JAG1: variants seen among roughly 807,000 people sequenced by gnomAD.
JAG1 encodes the protein protein jagged-1.
A neutral mutation model predicts 148.7 loss-of-function variants in JAG1; 23 were observed. The ratio of observed to expected loss-of-function variants is 0.15; its 90% confidence interval spans 0.11 to 0.22. JAG1 has a LOEUF of 0.22. Among genes scored for constraint, JAG1 ranks in the 10% least tolerant of loss-of-function variants. JAG1 has a pLI of 1.00. For missense variants in JAG1, 1,054 were observed against 1,611.2 expected (o/e 0.65, Z 5.92); for synonymous variants, 572 against 598.3 (o/e 0.96, Z 0.64).
At chr20:10,650,403 C>CTGA in intron 8 of JAG1, 43 bp from the exon 9 acceptor site, 1 of 1,124,136 alleles carries the variant, frequency 8.9e-7, no homozygotes, top group Admixed American at 1.8e-5. Context: ...TTAATTCAAT[C>CTGA]CATCTGACAA....
Position 10,644,977 on chromosome 20 carries a change from G to C in JAG1, c.2230C>G (p.Arg744Gly). 6.2e-7 allele frequency: 1 copy of C among 1,612,584 alleles called. No homozygotes were observed. The highest frequency in any genetic ancestry group is 8.5e-7 in the Non-Finnish European group (1 of 1,179,136). ...GGGTTGGGCAGGCAGCTACTGTTTCGGGCTATAAAAGAAGAGCAGACACGA... is the reference window on the plus strand; with the variant it reads ...GGGTTGGGCAGGCAGCTACTGTTTCCGGCTATAAAAGAAGAGCAGACACGA... ...GWEGTTCNIA[R>G]NSSCLPNPCH... The change falls in exon 18 of 26, where the codon CGA (arginine) becomes GGA (glycine). Residue 744 changes from arginine (R) to glycine (G), a missense_variant and splice_region_variant. Arg to Gly is a moderately radical substitution (Grantham distance 125). This residue lies in a region of JAG1 where 342 missense variants were observed against 514.6 expected (regional missense o/e 0.66). Transcript: ENST00000254958.
intron 2 of JAG1, among the ~76,000 whole-genome samples, chr20:10,667,671 G>T (rs538640861): frequency 6.6e-6 from 1 of 152,168 alleles, no homozygotes; most frequent in East Asian, 1.9e-4. Flanking sequence ...AATAGAGTCC[G>T]ATCTGGTTAC....
intron 14 of JAG1, 53 bp from the exon 15 acceptor site, chr20:10,646,137 A>G: frequency 7.5e-7 from 1 of 1,332,956 alleles, no homozygotes; most frequent in Non-Finnish European, 1.1e-6. Flanking sequence ...GAAGCCATAG[A>G]CAAGCACTGT....
intron 4 of JAG1, 137 bp downstream of exon 4, chr20:10,658,331 T>C (rs776725732): frequency 2.7e-5 from 30 of 1,113,776 alleles, no homozygotes; most frequent in Non-Finnish European, 3.9e-5. Context: ...ACTCCGCATC[T>C]TCATACTGCA....
intron 11 of JAG1, 164 bp downstream of exon 11, chr20:10,648,897 C>A: frequency 1.1e-6 from 1 of 870,698 alleles, no homozygotes; most frequent in Non-Finnish European, 1.9e-6. Context: ...TTCAAAATGA[C>A]TCCCACGAGG....
In JAG1 at chr20:10,641,400, C is replaced by T. The variant is rs1036508130; in HGVS notation, c.2916+60G>A. 6.5e-6 allele frequency: 10 copies of T among 1,539,814 alleles called. No homozygotes were observed. The African/African-American group carries it at 1.4e-4, about 21-fold the overall frequency. ...GTAGATCCTAGCTCATGGCATTCCT[C>T]CTTTAAAGCAAGCAAGCAGACATCC... is the stretch of plus-strand genomic sequence containing the variant. On this transcript the variant is annotated intron_variant, in intron 23 of 25. Transcript: ENST00000254958.
intron 19 of JAG1, 103 bp from the exon 20 acceptor site, chr20:10,643,966 C>T (rs551958716): frequency 2.3e-6 from 2 of 874,308 alleles, no homozygotes; most frequent in African/African-American, 3.3e-5. Flanking sequence ...TGGCTCTCAC[C>T]CCATGGCCGT....
At chr20:10,649,669 A>G in intron 9 of JAG1, 34 bp from the exon 10 acceptor site, 1 of 1,275,560 alleles carries the variant, frequency 7.8e-7, no homozygotes, top group Non-Finnish European at 1.1e-6. Flanking sequence ...TGAGAAATGA[A>G]GTTCAACCCC....
At chr20:10,668,310 A>G (rs1395336887) in intron 2 of JAG1, among the ~76,000 whole-genome samples, 1 of 152,142 alleles carries the variant, frequency 6.6e-6, no homozygotes, top group Non-Finnish European at 1.5e-5. Context: ...GTTGGAAGAA[A>G]AGATTAAGTT....
In JAG1 at chr20:10,673,393, G is replaced by A; in HGVS notation, c.81+57C>T. The A allele has an allele frequency of 2.4e-6, 3 of 1,275,938 alleles. No homozygotes were observed. Among genetic ancestry groups the A allele is most frequent in the Non-Finnish European group, 3.2e-6 (3 of 951,494 alleles). 79.0% of individuals were successfully genotyped at this position (1,275,938 alleles called of 1,614,324 possible). On this transcript the variant is annotated intron_variant, in intron 1 of 25. Transcript: ENST00000254958. The surrounding 1 kb of genome is among the most constrained non-coding windows in gnomAD (Gnocchi z 4.7). ...TGCTCGCGGGGCTCAACCGCCCAGG[G>A]CGCCGCGAGGGGAGGGAGAGGACGG...
intron 3 of JAG1, among the ~76,000 whole-genome samples, chr20:10,661,176 C>A (rs1487831178): frequency 6.6e-6 from 1 of 152,196 alleles, no homozygotes; most frequent in East Asian, 1.9e-4. Flanking sequence ...GCCTTAAATA[C>A]TTTCAAATAC....
In JAG1 at chr20:10,673,620, C is replaced by A; in HGVS notation, c.-90G>T. ...GGTGCTGCCGTCGCCGCTGCCCCTG[C>A]GGCCGCCGCGTCCCGGCTCTAATAT... On this transcript the variant is annotated 5_prime_UTR_variant, in exon 1 of 26. Coordinates refer to ENST00000254958, the MANE Select transcript of JAG1 (RefSeq NM_000214.3). The surrounding 1 kb of genome is among the most constrained non-coding windows in gnomAD (Gnocchi z 4.7). 1.7e-6 allele frequency: 1 copy of A among 586,498 alleles called. No individual in the cohort carries two copies. Among genetic ancestry groups the A allele is most frequent in the Non-Finnish European group, 2.4e-6 (1 of 415,908 alleles). The allele number at this position is 586,498 out of a possible 1,614,324, so 36.3% of individuals were successfully genotyped here.
At chr20:10,643,700 T>C (rs1325260310) in intron 20 of JAG1, 78 bp downstream of exon 20, 2 of 1,128,492 alleles carry the variant, frequency 1.8e-6, no homozygotes, top group African/African-American at 3.1e-5. Context: ...GCTTTGTTTT[T>C]AAAGATGAAA....
At chr20:10,658,968 CAT>C (rs2067396299) in intron 3 of JAG1, among the ~76,000 whole-genome samples, 1 of 152,208 alleles carries the variant, frequency 6.6e-6, no homozygotes, top group African/African-American at 2.4e-5. Context: ...TAGTCCCTGA[CAT>C]GTGTGCATGT....
At chr20:10,659,217 T>C (rs973523276) in intron 3 of JAG1, among the ~76,000 whole-genome samples, 1 of 152,240 alleles carries the variant, frequency 6.6e-6, no homozygotes, top group Admixed American at 6.5e-5. Context: ...AACCTTCTAA[T>C]CTATGCCTGA....
chr20:10,647,068 C>G lies in JAG1; in HGVS notation c.1756G>C (p.Asp586His). Reference sequence around the variant, plus strand: ...ATATACCGCACCCCTTCAGGTGTGTCGTTGGAAGCCATGGCCACTGTGCAG... The same window carrying G: ...ATATACCGCACCCCTTCAGGTGTGTGGTTGGAAGCCATGGCCACTGTGCAG... The part of the protein sequence containing the change: ...DSCTVAMASN[D>H]TPEGVRYISS... The change falls in exon 14 of 26, where the codon GAC becomes CAC. Residue 586 changes from aspartate (D) to histidine (H), a missense_variant. Around this residue, in one of 6 missense-constraint regions of JAG1, gnomAD observed 245 missense variants for 373.1 expected, o/e 0.66. Coordinates refer to ENST00000254958, the MANE Select transcript of JAG1 (RefSeq NM_000214.3). 6.2e-7 allele frequency: 1 copy of G among 1,614,224 alleles called. No individual in the cohort carries two copies. The highest frequency in any genetic ancestry group is 1.1e-5 in the South Asian group (1 of 91,082).
chr20:10,672,646 C>T, intron 2 of JAG1, 55 bp downstream of exon 2: 2 of 1,560,364 alleles, frequency 1.3e-6, no homozygotes, highest in South Asian at 1.1e-5. Flanking sequence ...TAACAGGGCT[C>T]GGCCAGGCGC....
intron 6 of JAG1, 52 bp from the exon 7 acceptor site, chr20:10,652,302 C>CCA (rs1568798154): frequency 6.2e-7 from 1 of 1,610,816 alleles, no homozygotes; most frequent in Admixed American, 1.7e-5. Flanking sequence ...GATGGCGAAC[C>CCA]CACCATGTTT....
chr20:10,647,177 C>T, intron 13 of JAG1, 74 bp from the exon 14 acceptor site: 1 of 1,575,568 alleles, frequency 6.3e-7, no homozygotes, highest in South Asian at 1.1e-5. Flanking sequence ...AGGGCCTGGG[C>T]CAAGCCCACT....
Sources: allele counts gnomAD v4.1 joint callset (sites outside exome capture counted in the v4.1 genomes callset), GRCh38; gene constraint gnomAD v4.1.1; regional missense constraint gnomAD v4.1.1; non-coding constraint Gnocchi (gnomAD v3.1); transcripts MANE v1.5; gene names NCBI Gene and HGNC (gene_info 2026-07-23, HGNC 2026-07-21).